ZNF100: variants seen among roughly 807,000 people sequenced by gnomAD.
The protein encoded by ZNF100 is zinc finger protein 100, also known as zinc finger protein 100 (Y1).
In ZNF100, 12 loss-of-function variants were observed where a neutral mutation model predicts 15.8. The ratio of observed to expected loss-of-function variants is 0.76; its 90% CI spans 0.49 to 1.23. ZNF100 has a LOEUF of 1.23. ZNF100 is among the 50% of genes most tolerant of loss of function. ZNF100 has a pLI of 0.00. For missense variants in ZNF100, 670 were observed against 635.6 expected (o/e 1.05, Z -0.58); for synonymous variants, 226 against 214.8 (o/e 1.05, Z -0.45).
At chr19:21,729,733 T>C (rs1353672913) in intron 4 of ZNF100, among the ~76,000 whole-genome samples, 1 of 152,012 alleles carries the variant, frequency 6.6e-6, no homozygotes, top group African/African-American at 2.4e-5. Context: ...GCAGAAAACA[T>C]TTTTAATTAT....
chr19:21,766,455 T>TTA (rs2036563774), intron 1 of ZNF100, among the ~76,000 whole-genome samples: 2 of 151,692 alleles, frequency 1.3e-5, no homozygotes. Context: ...ATTTTTTTTT[T>TTA]AATTACTACA....
chr19:21,741,893 G>T (rs2036116375), intron 4 of ZNF100, among the ~76,000 whole-genome samples: 1 of 152,024 alleles, frequency 6.6e-6, no homozygotes, highest in African/African-American at 2.4e-5. Flanking sequence ...GCCCTGGCTG[G>T]TCTCAAACTT....
chr19:21,751,854 T>A, intron 2 of ZNF100: 1 of 765,970 alleles, frequency 1.3e-6, no homozygotes, highest in Non-Finnish European at 2.2e-6. Flanking sequence ...GGAGCAGCTG[T>A]AAGAAGGTCT....
rs753942768 is a variant in ZNF100 at position 21,727,952 on chromosome 19, C to T, written c.360G>A (p.Glu120=). Residue 120 remains glutamate (E), a synonymous_variant, in exon 5 of 5, where the codon GAG becomes GAA. Transcript: ENST00000358296. ...CSHFPQDLWA[E]QDIKDSFQEA... ...CTTGAAAAGAATCTTTAATGTCCTG[C>T]TCTGCCCAAAGGTCTTGGGGAAAAT... The T allele has an allele frequency of 6.4e-7, 1 of 1,556,682 alleles. No homozygotes were observed. The highest frequency in any genetic ancestry group is 8.6e-7 in the Non-Finnish European group (1 of 1,156,584).
chr19:21,755,916 C>T (rs1191075746), intron 2 of ZNF100, among the ~76,000 whole-genome samples: 1 of 152,062 alleles, frequency 6.6e-6, no homozygotes, highest in Non-Finnish European at 1.5e-5. Context: ...GAAACTACAC[C>T]CACAGGGCCT....
In ZNF100 at chr19:21,727,719, C is replaced by CT. The variant is rs747923801; in HGVS notation, c.592dup (p.Arg198LysfsTer4). 1 of 1,611,804 alleles carries CT rather than the reference C, an allele frequency of 6.2e-7. No homozygotes were observed. The highest frequency in any genetic ancestry group is 8.5e-7 in the Non-Finnish European group (1 of 1,179,294). On this transcript the variant is annotated frameshift_variant, in exon 5 of 5. Coordinates refer to ENST00000358296, the MANE Select transcript of ZNF100 (RefSeq NM_173531.4). LOFTEE classifies it low-confidence loss of function (END_TRUNC). Reference sequence around the variant, plus strand: ...TTTGAAAGGTTTCTTTCTAGTATGTCTTATCTTATGTCTGTTTGAATTTGA... The same window carrying CT: ...TTTGAAAGGTTTCTTTCTAGTATGTCTTTATCTTATGTCTGTTTGAATTTGA...
At position 21,765,731 on chromosome 19, in the gene ZNF100, G is replaced by A; in HGVS notation, c.59C>T (p.Ala20Val). The A allele has an allele frequency of 6.2e-7, 1 of 1,614,120 alleles. No homozygotes were observed. Among genetic ancestry groups the A allele is most frequent in the Non-Finnish European group, 8.5e-7 (1 of 1,180,020 alleles). Residue 20 changes from alanine to valine, a missense_variant, in exon 2 of 5, where the codon GCT becomes GTT. Ala to Val is a moderately conservative substitution (Grantham distance 64, BLOSUM62 0). Coordinates refer to ENST00000358296, the MANE Select transcript of ZNF100 (RefSeq NM_173531.4). Reference protein sequence around the residue: ...PLKGASGCPGAERSLLVQSYF... With the variant: ...PLKGASGCPGVERSLLVQSYF... Reference sequence around the variant, plus strand: ...AGACTGCACCAGAAGACTCCTCTCAGCCCCAGGGCATCCACTTGCTCCCTT... The same window carrying A: ...AGACTGCACCAGAAGACTCCTCTCAACCCCAGGGCATCCACTTGCTCCCTT...
At chr19:21,730,445 AGTGTGT>A (rs58942514) in intron 4 of ZNF100, among the ~76,000 whole-genome samples, 12,844 of 147,672 alleles carry the variant, frequency 0.087, 696 homozygotes, top group South Asian at 0.17. Context: ...TGATAACCTA[AGTGTGT>A]GTGTGTGTGT....
Position 21,744,113 on chromosome 19 carries a change from C to G in ZNF100, c.226G>C (p.Gly76Arg), listed in dbSNP as rs1478530654. The part of the protein sequence containing the change: ...ENYRNLVFLA[G>R]IALTKPDLIT... ...AGGTCTGGCTTAGTGAGAGCAATAC[C>G]TGCTTTATTAGAAATAAATAACATG... is the stretch of plus-strand genomic sequence containing the variant. Residue 76 changes from glycine to arginine, a missense_variant and splice_region_variant, in exon 4 of 5, where the codon GGT becomes CGT. By Grantham distance (125) the Gly-to-Arg change is moderately radical. Transcript: ENST00000358296. The G allele has an allele frequency of 3.1e-6, 5 of 1,602,302 alleles. No homozygotes were observed. The African/African-American group carries it at 4.0e-5, about 13-fold the overall frequency.
At position 21,726,952 on chromosome 19, in the gene ZNF100, C is replaced by T; in HGVS notation, c.1360G>A (p.Glu454Lys). The change falls in exon 5 of 5, where the codon GAG (glutamate) becomes AAG (lysine). Residue 454 changes from glutamate to lysine, a missense_variant. Transcript: ENST00000358296. ...CATTCGTCACATTTGTAGGGTTTCT[C>T]TCCAGTATGAATCATCTTATGGGTA... ...LTTHKMIHTG[E>K]KPYKCDECGK... is the part of the protein sequence containing the mutation. 6.2e-7 allele frequency: 1 copy of T among 1,611,456 alleles called. No individual in the cohort carries two copies. The highest frequency in any genetic ancestry group is 8.5e-7 in the Non-Finnish European group (1 of 1,179,084).
In ZNF100 at chr19:21,726,603, A is replaced by G. The variant is rs2035790220; in HGVS notation, c.*80T>C. The G allele has an allele frequency of 1.6e-6, 2 of 1,252,716 alleles. No individual in the cohort carries two copies. The highest frequency in any genetic ancestry group is 2.2e-6 in the Non-Finnish European group (2 of 897,878). The allele number at this position is 1,252,716 out of a possible 1,614,324, so 77.6% of individuals were successfully genotyped here. On this transcript the variant is annotated 3_prime_UTR_variant, in exon 5 of 5. Transcript: ENST00000358296. ...TTAAAGGCTTTGCCATATTCTTCACAGTCACAGGAGTTCCCTCCAGTATGA... is the reference window on the plus strand; with the variant it reads ...TTAAAGGCTTTGCCATATTCTTCACGGTCACAGGAGTTCCCTCCAGTATGA...
chr19:21,757,281 T>C (rs764022866), intron 2 of ZNF100, among the ~76,000 whole-genome samples: 4 of 152,168 alleles, frequency 2.6e-5, no homozygotes, highest in Non-Finnish European at 5.9e-5. Context: ...CTACTAAAAA[T>C]ACAAGAATTA....
intron 2 of ZNF100, among the ~76,000 whole-genome samples, chr19:21,756,706 A>G (rs1194353184): frequency 6.6e-6 from 1 of 152,262 alleles, no homozygotes; most frequent in Non-Finnish European, 1.5e-5. Flanking sequence ...TCAAACTACC[A>G]AAAACATTGT....
At chr19:21,760,616 C>T (rs1055814429) in intron 2 of ZNF100, among the ~76,000 whole-genome samples, 2 of 151,966 alleles carry the variant, frequency 1.3e-5, no homozygotes, top group African/African-American at 4.8e-5. Flanking sequence ...AAGACTTTGC[C>T]ATCCAGACAA....
rs374252867 is a variant in ZNF100 at position 21,727,005 on chromosome 19, T to A, written c.1307A>T (p.Lys436Ile). Residue 436 changes from lysine to isoleucine, a missense_variant, in exon 5 of 5, where the codon AAA (lysine) becomes ATA (isoleucine). Physicochemically the swap from Lys to Ile is moderately radical, Grantham distance 102. Transcript: ENST00000358296. ...EKPYKCEECG[K>I]AFNESSNLTT... ...AAGGTTTGAGGACTCATTAAAAGCTTTGCCACATTCTTCACATTTGTAGGG... is the reference window on the plus strand; with the variant it reads ...AAGGTTTGAGGACTCATTAAAAGCTATGCCACATTCTTCACATTTGTAGGG... 1 of 1,613,890 alleles carries A rather than the reference T, an allele frequency of 6.2e-7. No homozygotes were observed. Among genetic ancestry groups the A allele is most frequent in the Non-Finnish European group, 8.5e-7 (1 of 1,179,902 alleles).
rs59317162 is a variant in ZNF100 at position 21,760,754 on chromosome 19, GTTT to G, written c.96+4937_96+4939del. Among the ~76,000 whole-genome samples the G allele has an allele frequency of 8.3e-4, 85 of 102,084 alleles. 1 individual carries two copies. The highest frequency in any genetic ancestry group is 6.6e-3 in the Admixed American group (56 of 8,456). 67.0% of individuals were successfully genotyped at this position (102,084 alleles called of 152,430 possible). A position where few individuals can be genotyped will look rare whatever the true frequency, so the allele number is the denominator to read the frequency against. On this transcript the variant is annotated intron_variant, in intron 2 of 4. Transcript: ENST00000358296. ...ATTAGAATAGAGGAAGAACTTTCTT[GTTT>G]TTTTTTTTTTTTTTTTTGAGATGGA...
chr19:21,728,574 A>G (rs2035856895), intron 4 of ZNF100, among the ~76,000 whole-genome samples: 1 of 152,110 alleles, frequency 6.6e-6, no homozygotes, highest in Non-Finnish European at 1.5e-5. Flanking sequence ...TAACTAAAAG[A>G]GAAAGACAAA....
chr19:21,765,311 T>C (rs1328157388), intron 2 of ZNF100, among the ~76,000 whole-genome samples: 3 of 152,154 alleles, frequency 2.0e-5, no homozygotes, highest in African/African-American at 7.2e-5. Context: ...AGTCAGGTCA[T>C]TCAATCACTG....
chr19:21,740,700 G>A (rs753109094), intron 4 of ZNF100, among the ~76,000 whole-genome samples: 20 of 151,978 alleles, frequency 1.3e-4, no homozygotes, highest in Non-Finnish European at 1.3e-4. Flanking sequence ...AGAGAAACAC[G>A]TAAAAATAAA....
Sources: gnomAD v4.1 joint callset for allele counts (sites outside exome capture counted in the v4.1 genomes callset) on GRCh38, gnomAD v4.1.1 for gene constraint, MANE v1.5 for transcripts, NCBI Gene and HGNC (gene_info 2026-07-23, HGNC 2026-07-21) for gene names.